HYDIN: variants seen among roughly 807,000 people sequenced by gnomAD.
The protein encoded by HYDIN is HYDIN axonemal central pair apparatus protein.
HYDIN carries 132 observed loss-of-function variants against 403.9 expected under a neutral mutation model. The observed-to-expected ratio is 0.33, with a 90% CI of 0.28 to 0.38. The LOEUF is 0.38. Ranked by LOEUF, HYDIN falls within the 10% of genes least tolerant of loss-of-function variation. The probability of loss-of-function intolerance (pLI) is 1.00; values close to 1 mark genes in which losing one functional copy is unlikely to be tolerated. For missense variants in HYDIN, 2,827 were observed against 5,009.5 expected, an observed-to-expected ratio of 0.56 and a Z score of 13.15; for synonymous variants, 1,202 against 1,891.7, an observed-to-expected ratio of 0.64 and a Z score of 9.46.
chr16:70,932,224 G>A (rs1356809419), intron 45 of HYDIN, among the ~76,000 whole-genome samples: 11 of 148,960 alleles, frequency 7.4e-5, no homozygotes, highest in Non-Finnish European at 1.6e-4. Context: ...GTGTGGTGGC[G>A]GGCGCCTGTA....
At chr16:71,090,693 TG>T (rs1204412207) in intron 11 of HYDIN, among the ~76,000 whole-genome samples, 7 of 151,626 alleles carry the variant, frequency 4.6e-5, no homozygotes, top group African/African-American at 1.5e-4. Context: ...TTTGTAGAGA[TG>T]GGGTCTTTCT....
intron 21 of HYDIN, among the ~76,000 whole-genome samples, chr16:71,022,955 T>C (rs1215481229): frequency 6.6e-6 from 1 of 151,802 alleles, no homozygotes; most frequent in Non-Finnish European, 1.5e-5. Context: ...ACATTTTTAT[T>C]AGTGTTTATG....
At chr16:71,228,934 A>T (rs1041902748) in intron 1 of HYDIN, among the ~76,000 whole-genome samples, 9 of 152,184 alleles carry the variant, frequency 5.9e-5, no homozygotes, top group Admixed American at 5.2e-4. Flanking sequence ...AGACTGAGTT[A>T]AGAAAATGTG....
intron 18 of HYDIN, among the ~76,000 whole-genome samples, chr16:71,036,069 T>C (rs1015341008): frequency 2.0e-5 from 3 of 152,172 alleles, no homozygotes; most frequent in Non-Finnish European, 4.4e-5. Flanking sequence ...CAAAGTTTCC[T>C]TGTTGGTTCA....
At chr16:71,011,782 G>C (rs1384859614) in intron 23 of HYDIN, among the ~76,000 whole-genome samples, 1 of 151,158 alleles carries the variant, frequency 6.6e-6, no homozygotes, top group East Asian at 1.9e-4. Flanking sequence ...GACATAGATG[G>C]AAGCATCCAG....
At chr16:71,034,081 G>A (rs896275761) in intron 18 of HYDIN, among the ~76,000 whole-genome samples, 10 of 151,356 alleles carry the variant, frequency 6.6e-5, no homozygotes, top group African/African-American at 1.7e-4. Context: ...AGGAAGCTTC[G>A]TGAAGCTCCC....
intron 13 of HYDIN, among the ~76,000 whole-genome samples, chr16:71,079,006 T>C (rs1424460285): frequency 2.6e-5 from 4 of 152,144 alleles, no homozygotes; most frequent in African/African-American, 9.7e-5. Flanking sequence ...CAATGGGATA[T>C]AACCATATGT....
rs376695880 is a variant in HYDIN, at chr16:70,956,539, C to T, written c.6143-991G>A. Among the ~76,000 whole-genome samples the T allele has an allele frequency of 5.3e-4, 80 of 152,198 alleles. 1 individual carries two copies. In the Middle Eastern group the frequency reaches 0.014, roughly 26 times the overall value. On this transcript the variant is annotated intron_variant, in intron 39 of 85. Transcript: ENST00000393567. ...GGGGGGTTAGCCTGGATTATCCAACCGGGCACAATGGGTCCCCATGAGAGG... is the reference window on the plus strand; with the variant it reads ...GGGGGGTTAGCCTGGATTATCCAACTGGGCACAATGGGTCCCCATGAGAGG...
At chr16:70,923,469 CAAA>C (rs59968942) in intron 45 of HYDIN, among the ~76,000 whole-genome samples, 1 of 28,272 alleles carries the variant, frequency 3.5e-5, no homozygotes. Flanking sequence ...ACTCCATCTC[CAAA>C]AAAAAAAAAA....
At chr16:70,960,858 A>AT (rs1201918561) in intron 38 of HYDIN, among the ~76,000 whole-genome samples, 1 of 151,966 alleles carries the variant, frequency 6.6e-6, no homozygotes, top group African/African-American at 2.4e-5. Context: ...TGCCCGGCTA[A>AT]TTTTTTGTAT....
At chr16:70,833,145 G>T in intron 79 of HYDIN, 78 bp from the exon 80 acceptor site, 1 of 1,314,882 alleles carries the variant, frequency 7.6e-7, no homozygotes. Context: ...GAGAACAAGA[G>T]ACTGCCTAGG....
chr16:70,888,357 G>C (rs1276194633), intron 58 of HYDIN, among the ~76,000 whole-genome samples: 1 of 152,138 alleles, frequency 6.6e-6, no homozygotes, highest in Non-Finnish European at 1.5e-5. Context: ...GCTTTCTTTT[G>C]GCACTGCCCT....
intron 13 of HYDIN, among the ~76,000 whole-genome samples, chr16:71,075,248 A>C (rs6416724): frequency 0.48 from 73,110 of 151,546 alleles, 20,479 homozygotes; most frequent in African/African-American, 0.75. Context: ...AGATATTACA[A>C]AACAAAAGAA....
At chr16:71,177,368 G>C (rs1297641684) in intron 4 of HYDIN, among the ~76,000 whole-genome samples, 1 of 152,208 alleles carries the variant, frequency 6.6e-6, no homozygotes, top group Non-Finnish European at 1.5e-5. Flanking sequence ...TGAAAAGATA[G>C]AGCCCTAATG....
intron 50 of HYDIN, among the ~76,000 whole-genome samples, 153 bp downstream of exon 50, chr16:70,907,219 G>T (rs1242500396): frequency 6.6e-6 from 1 of 151,998 alleles, no homozygotes; most frequent in African/African-American, 2.4e-5. Context: ...CAGGGAGTTG[G>T]GACACAAGAA....
At chr16:70,875,112 C>T (rs1324931968) in intron 62 of HYDIN, among the ~76,000 whole-genome samples, 193 bp from the exon 63 acceptor site, 1 of 151,754 alleles carries the variant, frequency 6.6e-6, no homozygotes, top group African/African-American at 2.4e-5. Context: ...AACATTCAGT[C>T]AGATCAGCCC....
intron 8 of HYDIN, among the ~76,000 whole-genome samples, chr16:71,133,868 A>T (rs1201035289): frequency 6.6e-6 from 1 of 151,800 alleles, no homozygotes; most frequent in African/African-American, 2.4e-5. Context: ...AAAGAAATAA[A>T]GGTGACCTTT....
chr16:70,834,639 G>T (rs2037247047), intron 78 of HYDIN, among the ~76,000 whole-genome samples: 1 of 152,026 alleles, frequency 6.6e-6, no homozygotes, highest in African/African-American at 2.4e-5. Context: ...CTTGAGGTCA[G>T]GAGTTTGACA....
intron 18 of HYDIN, 152 bp from the exon 19 acceptor site, chr16:71,032,069 T>C (rs2080932699): frequency 4.1e-6 from 2 of 487,618 alleles, no homozygotes; most frequent in Admixed American, 7.4e-5. Context: ...TGGATGTTTG[T>C]TGGTTTTCCT....
Sources: allele counts gnomAD v4.1 joint callset (sites outside exome capture counted in the v4.1 genomes callset), GRCh38; gene constraint gnomAD v4.1.1; transcripts MANE v1.5; gene names NCBI Gene and HGNC (gene_info 2026-07-23, HGNC 2026-07-21).